Variants in STK32B observed in about 807,000 individuals in gnomAD.
The protein encoded by STK32B is serine/threonine-protein kinase 32B.
Under a neutral mutation model 52.6 loss-of-function variants are expected in STK32B, and 43 were observed. That is an observed-to-expected ratio of 0.82 (90% CI 0.64 to 1.05). STK32B has a LOEUF of 1.05. Ranked by LOEUF, STK32B falls within the 50% of genes least tolerant of loss-of-function variation. The pLI is 0.00. For synonymous variants in STK32B, 238 were observed against 204.3 expected, an observed-to-expected ratio of 1.17 and a Z score of -1.41; for missense variants, 621 against 534.6, an observed-to-expected ratio of 1.16 and a Z score of -1.59.
intron 3 of STK32B, among the ~76,000 whole-genome samples, chr4:5,308,247 A>G (rs1730060161): frequency 6.6e-6 from 1 of 152,286 alleles, no homozygotes; most frequent in South Asian, 2.1e-4. Flanking sequence ...AGCCTGCAGC[A>G]TCAGTCCACT....
At position 5,064,469 on chromosome 4, in the gene STK32B, T is replaced by TATATAAATATATACTTATATACATATA. The variant is rs1560133244; in HGVS notation, c.52+12572_52+12573insATACATATAATATAAATATATACTTAT. Among the ~76,000 whole-genome samples the TATATAAATATATACTTATATACATATA allele has an allele frequency of 4.6e-3, 391 of 84,950 alleles. 77 individuals carry two copies. The highest frequency in any genetic ancestry group is 0.016 in the Middle Eastern group (1 of 62). The allele number at this position is 84,950 out of a possible 152,430, so 55.7% of individuals were successfully genotyped here. A position where few individuals can be genotyped will look rare whatever the true frequency, so the allele number is the denominator to read the frequency against. On this transcript the variant is annotated intron_variant, in intron 1 of 11. Transcript: ENST00000282908. ...TAAATATATACTTATATACATATAA[T>TATATAAATATATACTTATATACATATA]ATATAAATATATACTTATGTTATAT... is the stretch of plus-strand genomic sequence containing the variant.
At chr4:5,262,617 T>C (rs1577261933) in intron 3 of STK32B, among the ~76,000 whole-genome samples, 1 of 138,834 alleles carries the variant, frequency 7.2e-6, no homozygotes, top group Admixed American at 7.2e-5. Flanking sequence ...AGAGCGAGAC[T>C]CCATCTCAAA....
At chr4:5,070,331 C>T (rs1370843048) in intron 1 of STK32B, among the ~76,000 whole-genome samples, 3 of 152,164 alleles carry the variant, frequency 2.0e-5, no homozygotes, top group African/African-American at 2.4e-5. Flanking sequence ...AGCTGACTTT[C>T]GTGTCCTGGA....
At chr4:5,176,744 T>A (rs532868027) in intron 3 of STK32B, among the ~76,000 whole-genome samples, 1 of 152,166 alleles carries the variant, frequency 6.6e-6, no homozygotes, top group East Asian at 1.9e-4. Context: ...GTGCCCAGCC[T>A]TAGGCACCAT....
intron 2 of STK32B, among the ~76,000 whole-genome samples, chr4:5,156,154 ATG>A (rs1717823265): frequency 1.3e-5 from 2 of 151,810 alleles, no homozygotes; most frequent in East Asian, 1.9e-4. Flanking sequence ...TCATATGTAT[ATG>A]TGTATACATA....
At chr4:5,031,436 TA>T in the STK32B span, among the ~76,000 whole-genome samples, 1 of 151,860 alleles carries the variant, frequency 6.6e-6, no homozygotes, top group East Asian at 1.9e-4. Flanking sequence ...ATCTCTGGTA[TA>T]AAAAAACAAA....
the STK32B span, among the ~76,000 whole-genome samples, chr4:5,034,316 G>GA: frequency 6.6e-6 from 1 of 152,172 alleles, no homozygotes; most frequent in Admixed American, 6.5e-5. Context: ...ACACTGTAGG[G>GA]ATAACCTCTC....
At chr4:5,377,015 G>T (rs571444963) in intron 4 of STK32B, among the ~76,000 whole-genome samples, 69 of 152,064 alleles carry the variant, frequency 4.5e-4, no homozygotes, top group African/African-American at 1.5e-3. Context: ...ACCAAGAAGG[G>T]TCCGACTGCT....
chr4:5,030,360 C>T, the STK32B span, among the ~76,000 whole-genome samples: 3 of 152,310 alleles, frequency 2.0e-5, no homozygotes, highest in South Asian at 2.1e-4. Context: ...TGGTCATCTC[C>T]GGATCCCCCA....
chr4:5,498,141 G>C (rs931505873), intron 11 of STK32B, among the ~76,000 whole-genome samples: 1 of 152,288 alleles, frequency 6.6e-6, no homozygotes, highest in Non-Finnish European at 1.5e-5. Context: ...GATGTGAGTT[G>C]AGTTCTTCCC....
At chr4:5,362,943 G>A (rs1734643904) in intron 4 of STK32B, among the ~76,000 whole-genome samples, 1 of 152,118 alleles carries the variant, frequency 6.6e-6, no homozygotes, top group African/African-American at 2.4e-5. Context: ...TTGTTGTGTT[G>A]TCACTCCAAA....
At chr4:5,329,417 TTCTC>T (rs1560324576) in intron 3 of STK32B, among the ~76,000 whole-genome samples, 1 of 152,138 alleles carries the variant, frequency 6.6e-6, no homozygotes. Context: ...GTCATGCTGT[TTCTC>T]TCTCTGTCTG....
intron 6 of STK32B, among the ~76,000 whole-genome samples, chr4:5,423,968 C>A (rs1312729506): frequency 6.6e-6 from 1 of 152,132 alleles, no homozygotes. Context: ...GCTGCAGCTG[C>A]AGACCTGGGC....
intron 3 of STK32B, among the ~76,000 whole-genome samples, chr4:5,274,966 A>G (rs557539235): frequency 5.9e-5 from 9 of 152,266 alleles, no homozygotes; most frequent in African/African-American, 2.2e-4. Flanking sequence ...GTTCATCCTA[A>G]TTGAGCTGAA....
chr4:5,368,625 G>A (rs28394341), intron 4 of STK32B, among the ~76,000 whole-genome samples: 38 of 152,280 alleles, frequency 2.5e-4, no homozygotes, highest in African/African-American at 8.9e-4. Flanking sequence ...AGGTAGCCTT[G>A]GTGGTCGATG....
chr4:5,375,203 C>A (rs2109016979), intron 4 of STK32B, among the ~76,000 whole-genome samples: 1 of 152,262 alleles, frequency 6.6e-6, no homozygotes, highest in South Asian at 2.1e-4. Flanking sequence ...TCGTCCCCCA[C>A]TCTGTCTGCT....
intron 7 of STK32B, among the ~76,000 whole-genome samples, chr4:5,450,108 G>A (rs1715853212): frequency 6.6e-6 from 1 of 152,108 alleles, no homozygotes; most frequent in Admixed American, 6.6e-5. Flanking sequence ...TGTGCTTTTG[G>A]TTGGAGCTTG....
At chr4:5,482,620 T>C (rs1440653952) in intron 11 of STK32B, among the ~76,000 whole-genome samples, 2 of 152,210 alleles carry the variant, frequency 1.3e-5, no homozygotes, top group Non-Finnish European at 2.9e-5. Flanking sequence ...CTTCCAACAC[T>C]ATATTGAATA....
chr4:5,023,860 C>T, the STK32B span, among the ~76,000 whole-genome samples: 689 of 152,308 alleles, frequency 4.5e-3, 5 homozygotes, highest in African/African-American at 0.016. Context: ...ATGAGTCTTA[C>T]ACTATGTGGG....
Sources: gnomAD v4.1 joint callset for allele counts (sites outside exome capture counted in the v4.1 genomes callset) on GRCh38, gnomAD v4.1.1 for gene constraint, MANE v1.5 for transcripts, NCBI Gene and HGNC (gene_info 2026-07-23, HGNC 2026-07-21) for gene names.